SP140: variants seen among roughly 807,000 people sequenced by gnomAD.
SP140 encodes the protein SP140 nuclear body protein, also known as nuclear body protein SP140.
Under a neutral mutation model 125.0 loss-of-function variants are expected in SP140, and 81 were observed. That is an observed-to-expected ratio of 0.65 (90% CI 0.54 to 0.78). The LOEUF is 0.78. Among genes scored for constraint, SP140 ranks in the 30% least tolerant of loss-of-function variants. SP140 has a pLI of 0.00. For missense variants in SP140, 858 were observed against 1,037.0 expected (o/e 0.83, Z 2.37); for synonymous variants, 312 against 354.0 (o/e 0.88, Z 1.33).
intron 2 of SP140, 74 bp from the exon 3 acceptor site, chr2:230,238,139 T>C: frequency 9.7e-7 from 1 of 1,029,912 alleles, no homozygotes; most frequent in South Asian, 1.7e-5. Context: ...GAACAGATGT[T>C]CTATCTACAA....
At chr2:230,260,865 A>G (rs1297767422) in intron 12 of SP140, among the ~76,000 whole-genome samples, 1 of 152,120 alleles carries the variant, frequency 6.6e-6, no homozygotes, top group Admixed American at 6.5e-5. Flanking sequence ...GTTTGAAATC[A>G]TGTCGTGTGA....
chr2:230,238,690 A>T, intron 3 of SP140: 2 of 1,221,658 alleles, frequency 1.6e-6, no homozygotes, highest in Admixed American at 2.0e-5. Flanking sequence ...ATGTCTTTTC[A>T]TGGGAAAGGA....
intron 14 of SP140, 145 bp downstream of exon 14, chr2:230,270,098 C>A: frequency 1.6e-6 from 1 of 627,738 alleles, no homozygotes; most frequent in South Asian, 2.0e-5. Flanking sequence ...TGCAGGGAGG[C>A]AAGAGATCGT....
At chr2:230,290,022 T>C (rs560075341) in intron 18 of SP140, among the ~76,000 whole-genome samples, 27 of 152,252 alleles carry the variant, frequency 1.8e-4, no homozygotes, top group African/African-American at 6.3e-4. Flanking sequence ...GGTTATCCCA[T>C]CATTACCCTC....
chr2:230,268,965 C>T (rs1575120346), intron 12 of SP140, among the ~76,000 whole-genome samples: 1 of 152,296 alleles, frequency 6.6e-6, no homozygotes, highest in East Asian at 1.9e-4. Context: ...GGAGGAGGCC[C>T]TGTGCTTGTA....
the SP140 span, among the ~76,000 whole-genome samples, chr2:230,189,797 G>A: frequency 6.6e-6 from 1 of 152,198 alleles, no homozygotes; most frequent in South Asian, 2.1e-4. Context: ...TGCGGTGTTT[G>A]GTTTTCTGTT....
chr2:230,257,869 G>C (rs186769256), intron 12 of SP140, among the ~76,000 whole-genome samples: 1 of 152,146 alleles, frequency 6.6e-6, no homozygotes, highest in Non-Finnish European at 1.5e-5. Flanking sequence ...CAGTTTCTCT[G>C]AACAGAGAAC....
intron 1 of SP140, among the ~76,000 whole-genome samples, chr2:230,227,744 T>C (rs912584635): frequency 6.6e-6 from 1 of 152,206 alleles, no homozygotes; most frequent in Admixed American, 6.5e-5. Context: ...ACCTTTCCAT[T>C]GTCCATGGAA....
At chr2:230,252,621 A>G (rs2050541696) in intron 10 of SP140, among the ~76,000 whole-genome samples, 1 of 152,210 alleles carries the variant, frequency 6.6e-6, no homozygotes, top group Admixed American at 6.5e-5. Context: ...CTATCAGATT[A>G]CTGGGTTGCA....
At chr2:230,282,759 A>G (rs2055780677) in intron 15 of SP140, among the ~76,000 whole-genome samples, 1 of 152,260 alleles carries the variant, frequency 6.6e-6, no homozygotes, top group Non-Finnish European at 1.5e-5. Flanking sequence ...TACAAGAAGC[A>G]CAATCCCAAG....
chr2:230,267,394 T>A (rs1477404839), intron 12 of SP140, among the ~76,000 whole-genome samples: 1 of 152,218 alleles, frequency 6.6e-6, no homozygotes, highest in African/African-American at 2.4e-5. Flanking sequence ...GCAGAATAGA[T>A]CCCTACCTAT....
Position 230,295,446 on chromosome 2 carries a change from G to A in SP140, c.2016+1128G>A, listed in dbSNP as rs373995238. On this transcript the variant is annotated intron_variant, in intron 21 of 26. Transcript: ENST00000392045. Reference sequence around the variant, plus strand: ...AGACCAGCATCTCTACCTTTCACCGGGTGCCAAGAGTAACTGAGTCTGGAT... The same window carrying A: ...AGACCAGCATCTCTACCTTTCACCGAGTGCCAAGAGTAACTGAGTCTGGAT... 7.7e-4 allele frequency among the ~76,000 whole-genome samples: 118 copies of A among 152,274 alleles called. No individual in the cohort carries two copies. In the South Asian group the frequency reaches 0.024, roughly 31 times the overall value.
chr2:230,275,914 C>T (rs561463489), intron 15 of SP140, among the ~76,000 whole-genome samples: 6 of 152,242 alleles, frequency 3.9e-5, no homozygotes, highest in African/African-American at 1.4e-4. Flanking sequence ...TTAAGCCAAG[C>T]CTTAATCCAG....
chr2:230,266,611 C>T (rs536782080), intron 12 of SP140, among the ~76,000 whole-genome samples: 18 of 152,328 alleles, frequency 1.2e-4, no homozygotes, highest in African/African-American at 4.3e-4. Flanking sequence ...AAGATGTCAG[C>T]CCAGCTGAAG....
intron 1 of SP140, among the ~76,000 whole-genome samples, chr2:230,231,405 G>T (rs773118620): frequency 2.6e-5 from 4 of 152,114 alleles, no homozygotes; most frequent in Admixed American, 1.3e-4. Flanking sequence ...TATTAATCTG[G>T]GTAGGAAATG....
intron 1 of SP140, chr2:230,203,667 A>G (rs939140490): frequency 3.3e-5 from 5 of 152,192 alleles, no homozygotes; most frequent in African/African-American, 1.2e-4. Flanking sequence ...CGGAGATGAG[A>G]ACACTTACAG....
chr2:230,282,728 C>T (rs1252202725), intron 15 of SP140, among the ~76,000 whole-genome samples: 1 of 152,212 alleles, frequency 6.6e-6, no homozygotes, highest in Non-Finnish European at 1.5e-5. Flanking sequence ...GTGAGGGAGG[C>T]AAGTTAGTGC....
downstream of SP140, among the ~76,000 whole-genome samples, chr2:230,314,155 GATAGAGGT>G (rs750812650): frequency 1.4e-4 from 22 of 152,220 alleles, no homozygotes; most frequent in Non-Finnish European, 2.9e-4. Flanking sequence ...GGGCTATCTA[GATAGAGGT>G]ACCTGAGAAC....
At chr2:230,303,094 A>T (rs554125002) in intron 22 of SP140, among the ~76,000 whole-genome samples, 4 of 152,282 alleles carry the variant, frequency 2.6e-5, no homozygotes, top group African/African-American at 9.6e-5. Context: ...AACAAAAAAA[A>T]TACAAAAGAT....
Sources: gnomAD v4.1 joint callset for allele counts (sites outside exome capture counted in the v4.1 genomes callset) on GRCh38, gnomAD v4.1.1 for gene constraint, MANE v1.5 for transcripts, NCBI Gene and HGNC (gene_info 2026-07-23, HGNC 2026-07-21) for gene names.